HTR4: variants seen among roughly 807,000 people sequenced by gnomAD.
HTR4 encodes 5-hydroxytryptamine receptor 4.
In HTR4, 16 loss-of-function variants were observed where a neutral mutation model predicts 36.8. The observed-to-expected ratio is 0.43, with a 90% CI of 0.29 to 0.66. HTR4 has a LOEUF of 0.66. Among genes scored for constraint, HTR4 ranks in the 30% least tolerant of loss-of-function variants. HTR4 has a pLI of 0.13. For missense variants in HTR4, 438 were observed against 490.9 expected (o/e 0.89, Z 1.02); for synonymous variants, 189 against 185.1 (o/e 1.02, Z -0.17).
downstream of HTR4, among the ~76,000 whole-genome samples, chr5:148,477,393 G>A (rs950760624): frequency 3.9e-5 from 6 of 152,098 alleles, 1 homozygote; most frequent in Admixed American, 1.3e-4. Flanking sequence ...AAAACTCCAC[G>A]GAGAAACAAA....
downstream of HTR4, among the ~76,000 whole-genome samples, chr5:148,473,723 GA>G (rs1755628989): frequency 6.6e-6 from 1 of 152,150 alleles, no homozygotes; most frequent in African/African-American, 2.4e-5. Context: ...AAAATTTGGT[GA>G]GGTAGTCTAG....
chr5:148,587,922 T>A (rs1761408800), intron 2 of HTR4, among the ~76,000 whole-genome samples: 1 of 152,190 alleles, frequency 6.6e-6, no homozygotes, highest in African/African-American at 2.4e-5. Flanking sequence ...TGGCACAGCC[T>A]CTTGCACCCT....
intron 6 of HTR4, among the ~76,000 whole-genome samples, chr5:148,489,904 C>T (rs1451086868): frequency 2.0e-5 from 3 of 152,100 alleles, no homozygotes; most frequent in African/African-American, 7.2e-5. Flanking sequence ...TAAAATCCCA[C>T]ATGTCTGAAT....
intron 5 of HTR4, among the ~76,000 whole-genome samples, chr5:148,465,615 C>T (rs909620864): frequency 2.6e-5 from 4 of 152,024 alleles, no homozygotes; most frequent in Admixed American, 2.0e-4. Flanking sequence ...TTGTGAAGGC[C>T]GTGCTCCCAG....
chr5:148,481,736 A>C lies in HTR4; in HGVS notation c.*1467T>G. On this transcript the variant is annotated 3_prime_UTR_variant, in exon 7 of 7. Transcript: ENST00000377888. ...ATGCTATTAAACCACAGCCAAGATCAAAGTCAGAATCTCACATGGCTCTGG... is the reference window on the plus strand; with the variant it reads ...ATGCTATTAAACCACAGCCAAGATCCAAGTCAGAATCTCACATGGCTCTGG... 1 of 1,433,354 alleles carries C rather than the reference A, an allele frequency of 7.0e-7. No homozygotes were observed. Among genetic ancestry groups the C allele is most frequent in the South Asian group, 1.6e-5 (1 of 63,036 alleles). 88.8% of individuals were successfully genotyped at this position (1,433,354 alleles called of 1,614,324 possible). A position where few individuals can be genotyped will look rare whatever the true frequency, so the allele number is the denominator to read the frequency against.
chr5:148,626,487 C>T (rs1482466209), intron 2 of HTR4, among the ~76,000 whole-genome samples: 1 of 152,154 alleles, frequency 6.6e-6, no homozygotes, highest in Non-Finnish European at 1.5e-5. Flanking sequence ...ATATTAGACT[C>T]GATTCTCACA....
chr5:148,637,245 A>C (rs1225322853), intron 1 of HTR4, among the ~76,000 whole-genome samples, 184 bp from the exon 2 acceptor site: 2 of 152,206 alleles, frequency 1.3e-5, no homozygotes, highest in African/African-American at 4.8e-5. Context: ...CGAGTGTCAC[A>C]AAAGGTTTAT....
intron 4 of HTR4, among the ~76,000 whole-genome samples, chr5:148,536,578 C>T (rs1293446281): frequency 6.6e-6 from 1 of 151,986 alleles, no homozygotes; most frequent in African/African-American, 2.4e-5. Context: ...CAGAAAAAAA[C>T]AGGGATTGCA....
chr5:148,503,763 A>T (rs558988288), intron 6 of HTR4, among the ~76,000 whole-genome samples: 9 of 152,328 alleles, frequency 5.9e-5, no homozygotes, highest in Admixed American at 5.9e-4. Context: ...ACATGCAGAG[A>T]CACACATAGG....
At chr5:148,534,460 G>A (rs972649805) in intron 4 of HTR4, among the ~76,000 whole-genome samples, 2 of 152,180 alleles carry the variant, frequency 1.3e-5, no homozygotes, top group African/African-American at 4.8e-5. Flanking sequence ...CCAGGCCTGG[G>A]CCTCCAGCCA....
At chr5:148,555,177 A>G (rs17706761) in intron 2 of HTR4, among the ~76,000 whole-genome samples, 73 of 152,086 alleles carry the variant, frequency 4.8e-4, no homozygotes, top group Non-Finnish European at 4.4e-4. Flanking sequence ...TTTTTTGTCT[A>G]TGGACTGTGA....
At chr5:148,530,700 C>G (rs1581432217) in intron 4 of HTR4, among the ~76,000 whole-genome samples, 2 of 152,284 alleles carry the variant, frequency 1.3e-5, no homozygotes, top group Admixed American at 1.3e-4. Flanking sequence ...CCAGCATCCC[C>G]AGACCCCAGA....
intron 2 of HTR4, among the ~76,000 whole-genome samples, chr5:148,599,945 C>T (rs990737175): frequency 6.6e-6 from 1 of 151,242 alleles, no homozygotes; most frequent in Admixed American, 6.6e-5. Context: ...TCTAACAAAT[C>T]AATAAAGGAG....
intron 2 of HTR4, among the ~76,000 whole-genome samples, chr5:148,551,259 G>T (rs182762781): frequency 6.6e-6 from 1 of 152,308 alleles, no homozygotes; most frequent in East Asian, 1.9e-4. Context: ...AGAAAAGATT[G>T]TGGTGTGATG....
intron 6 of HTR4, among the ~76,000 whole-genome samples, chr5:148,507,818 T>C (rs894739543): frequency 2.0e-5 from 3 of 152,218 alleles, no homozygotes; most frequent in African/African-American, 7.2e-5. Flanking sequence ...GAGCATACGC[T>C]GTTTGTAAGT....
chr5:148,473,358 G>T (rs574616924), downstream of HTR4, among the ~76,000 whole-genome samples: 1 of 151,780 alleles, frequency 6.6e-6, no homozygotes, highest in Non-Finnish European at 1.5e-5. Flanking sequence ...ATATGAAGTG[G>T]TGAGTAGTGA....
At chr5:148,590,069 G>A (rs1260641602) in intron 2 of HTR4, among the ~76,000 whole-genome samples, 2 of 151,916 alleles carry the variant, frequency 1.3e-5, no homozygotes, top group Non-Finnish European at 2.9e-5. Context: ...ACTTTCAGAA[G>A]CTTTAATTTT....
At chr5:148,510,943 A>G (rs144419186) in intron 5 of HTR4, among the ~76,000 whole-genome samples, 1 of 152,228 alleles carries the variant, frequency 6.6e-6, no homozygotes, top group South Asian at 2.1e-4. Context: ...GGGCAAGGTC[A>G]TGAGGGACTT....
At chr5:148,556,130 T>C (rs1375818508) in intron 2 of HTR4, among the ~76,000 whole-genome samples, 2 of 152,130 alleles carry the variant, frequency 1.3e-5, no homozygotes, top group Non-Finnish European at 2.9e-5. Flanking sequence ...TTCAAGTGAT[T>C]CTCCTGCCTC....
Sources: gnomAD v4.1 joint callset for allele counts (sites outside exome capture counted in the v4.1 genomes callset) on GRCh38, gnomAD v4.1.1 for gene constraint, MANE v1.5 for transcripts, NCBI Gene and HGNC (gene_info 2026-07-23, HGNC 2026-07-21) for gene names.